Variants in ADARB2 observed in about 807,000 individuals in gnomAD.
ADARB2 encodes inactive double-stranded RNA-specific editase B2.
Under a neutral mutation model 62.2 loss-of-function variants are expected in ADARB2, and 25 were observed. That is an observed-to-expected ratio of 0.40 (90% confidence interval 0.29 to 0.56). ADARB2 has a LOEUF of 0.56. ADARB2 is among the 20% of genes least tolerant of loss of function. The probability of loss-of-function intolerance (pLI) is 0.43; values close to 1 mark genes in which losing one functional copy is unlikely to be tolerated. For synonymous variants in ADARB2, 572 were observed against 500.8 expected (o/e 1.14, Z -1.90); for missense variants, 1,071 against 1,077.4 (o/e 0.99, Z 0.08).
intron 5 of ADARB2, among the ~76,000 whole-genome samples, chr10:1,241,167 G>C (rs1830917176): frequency 6.6e-6 from 1 of 152,164 alleles, no homozygotes. Flanking sequence ...GTTGAGGTGG[G>C]AGAATTGCTT....
rs1291103574 is a variant in ADARB2 at position 1,200,153 on chromosome 10, G to A, written c.1683-6C>T. On this transcript the variant is annotated splice_polypyrimidine_tract_variant and splice_region_variant and intron_variant, in intron 7 of 9. Coordinates refer to ENST00000381312, the MANE Select transcript of ADARB2 (RefSeq NM_018702.4). ...GCAGCCCCAGGACGTTCCACCTGTG[G>A]GGAGAGCCAGCAGTCAGCGGAGCCC... 6.5e-7 allele frequency: 1 copy of A among 1,550,248 alleles called. No homozygotes were observed. Among genetic ancestry groups the A allele is most frequent in the Admixed American group, 2.0e-5 (1 of 51,024 alleles).
intron 1 of ADARB2, among the ~76,000 whole-genome samples, chr10:1,440,694 G>C (rs988012732): frequency 2.1e-4 from 32 of 152,180 alleles, no homozygotes; most frequent in African/African-American, 7.2e-4. Flanking sequence ...TGAACACTCT[G>C]GTCCAAGATA....
Position 1,390,020 on chromosome 10 carries a change from G to A in ADARB2, c.101-10860C>T, listed in dbSNP as rs140749665. Among the ~76,000 whole-genome samples, 447 of 152,144 alleles carry A rather than the reference G, an allele frequency of 2.9e-3. 4 individuals carry two copies. Among genetic ancestry groups the A allele is most frequent in the East Asian group, 0.018 (92 of 5,174 alleles). On this transcript the variant is annotated intron_variant, in intron 1 of 9. Transcript: ENST00000381312. The stretch of plus-strand genomic sequence containing the variant: ...ATAGGGATATTTATTCAAACTATTC[G>A]TCACAGCTTAAAATGGGAGATATTC...
chr10:1,397,802 T>C (rs868504049), intron 1 of ADARB2, among the ~76,000 whole-genome samples: 32 of 30,246 alleles, frequency 1.1e-3, no homozygotes, highest in Non-Finnish European at 1.6e-3. Context: ...TCACCGTCCG[T>C]CTCTCCCCTC....
At chr10:1,480,750 T>C (rs1315255545) in intron 1 of ADARB2, among the ~76,000 whole-genome samples, 1 of 151,876 alleles carries the variant, frequency 6.6e-6, no homozygotes, top group East Asian at 1.9e-4. Flanking sequence ...AATAAAATAC[T>C]TAGGGATAAA....
intron 1 of ADARB2, among the ~76,000 whole-genome samples, chr10:1,421,507 T>A (rs766193902): frequency 2.0e-5 from 3 of 151,938 alleles, no homozygotes; most frequent in African/African-American, 7.3e-5. Flanking sequence ...CATTACAGAG[T>A]CTTATTCACA....
chr10:1,247,689 G>A (rs768420090), intron 4 of ADARB2, among the ~76,000 whole-genome samples: 11 of 152,282 alleles, frequency 7.2e-5, no homozygotes, highest in Non-Finnish European at 1.6e-4. Context: ...AACAGAAACG[G>A]CACCAACCAG....
At chr10:1,603,058 A>G (rs1448953658) in intron 1 of ADARB2, among the ~76,000 whole-genome samples, 1 of 150,762 alleles carries the variant, frequency 6.6e-6, no homozygotes, top group Non-Finnish European at 1.5e-5. Flanking sequence ...ACACACCTAT[A>G]CATACACACA....
intron 1 of ADARB2, among the ~76,000 whole-genome samples, chr10:1,575,787 T>C (rs1358097792): frequency 2.6e-5 from 4 of 152,144 alleles, no homozygotes; most frequent in Non-Finnish European, 5.9e-5. Context: ...GCGGTTTGGC[T>C]CTGGCCTTGG....
intron 1 of ADARB2, among the ~76,000 whole-genome samples, chr10:1,528,180 T>C (rs1032483053): frequency 3.3e-5 from 5 of 152,228 alleles, no homozygotes; most frequent in African/African-American, 1.2e-4. Context: ...CCAACACACC[T>C]GAGCTTACTG....
At position 1,242,301 on chromosome 10, in the gene ADARB2, T is replaced by A; in HGVS notation, c.1193-2A>T. The stretch of plus-strand genomic sequence containing the variant: ...CCTGCGCCTGCCGAGCATCCAGGCC[T>A]GGGGACACAGATAGCATCAGAGCAG... On this transcript the variant is annotated splice_acceptor_variant, in intron 4 of 9. Transcript: ENST00000381312. LOFTEE classifies it high-confidence loss of function. The A allele has an allele frequency of 6.4e-7, 1 of 1,552,996 alleles. No homozygotes were observed. Among genetic ancestry groups the A allele is most frequent in the Non-Finnish European group, 8.7e-7 (1 of 1,150,390 alleles).
chr10:1,689,165 T>C (rs1834636128), intron 1 of ADARB2, among the ~76,000 whole-genome samples: 1 of 152,178 alleles, frequency 6.6e-6, no homozygotes, highest in Non-Finnish European at 1.5e-5. Context: ...CTGGGGATTT[T>C]ATAGGATGGT....
At chr10:1,389,836 C>T (rs147249671) in intron 1 of ADARB2, among the ~76,000 whole-genome samples, 2 of 151,902 alleles carry the variant, frequency 1.3e-5, no homozygotes, top group East Asian at 3.9e-4. Flanking sequence ...TGTCAGTAAC[C>T]ATGTGGAAAA....
chr10:1,342,655 T>A (rs561783553), intron 3 of ADARB2, among the ~76,000 whole-genome samples: 4 of 152,308 alleles, frequency 2.6e-5, no homozygotes, highest in African/African-American at 9.6e-5. Context: ...CTTGAGGACA[T>A]CAGCAGCACT....
intron 3 of ADARB2, among the ~76,000 whole-genome samples, chr10:1,332,464 T>C (rs1225706558): frequency 4.1e-5 from 6 of 145,054 alleles, no homozygotes; most frequent in Non-Finnish European, 9.0e-5. Context: ...ATAGACTGGC[T>C]AACTAGCATC....
intron 1 of ADARB2, chr10:1,535,740 A>C (rs1832323111): frequency 6.0e-6 from 1 of 166,916 alleles, no homozygotes; most frequent in Admixed American, 6.5e-5. Flanking sequence ...GGTGGCTCGC[A>C]CCTCTGCTTA....
intron 1 of ADARB2, among the ~76,000 whole-genome samples, chr10:1,624,759 C>A (rs1833746145): frequency 6.6e-6 from 1 of 151,990 alleles, no homozygotes; most frequent in African/African-American, 2.4e-5. Flanking sequence ...TATGCAGGAA[C>A]AAAATGACTT....
intron 3 of ADARB2, among the ~76,000 whole-genome samples, chr10:1,344,296 C>A (rs1204694842): frequency 6.6e-6 from 1 of 152,216 alleles, no homozygotes; most frequent in African/African-American, 2.4e-5. Context: ...CAGTCAAGGT[C>A]ATGTGTGAAC....
At chr10:1,736,763 G>C (rs966905380) in intron 1 of ADARB2, among the ~76,000 whole-genome samples, 1 of 152,210 alleles carries the variant, frequency 6.6e-6, no homozygotes, top group Non-Finnish European at 1.5e-5. Context: ...TGCGGGGCCC[G>C]GAGACGCGCG....
Sources: allele counts gnomAD v4.1 joint callset (sites outside exome capture counted in the v4.1 genomes callset), GRCh38; gene constraint gnomAD v4.1.1; transcripts MANE v1.5; gene names NCBI Gene and HGNC (gene_info 2026-07-23, HGNC 2026-07-21).